CNGA1: variants seen among roughly 807,000 people sequenced by gnomAD.
CNGA1 encodes the protein cyclic nucleotide-gated channel alpha-1.
CNGA1 carries 53 observed loss-of-function variants against 69.7 expected under a neutral mutation model. The ratio of observed to expected loss-of-function variants is 0.76; its 90% CI spans 0.61 to 0.96. The LOEUF (loss-of-function observed/expected upper bound fraction) is 0.96, where lower values mean the gene tolerates loss of function less well. Ranked by LOEUF, CNGA1 falls within the 40% of genes least tolerant of loss-of-function variation. The probability of loss-of-function intolerance (pLI) is 0.00; values close to 1 mark genes in which losing one functional copy is unlikely to be tolerated. For synonymous variants in CNGA1, 249 were observed against 283.5 expected (o/e 0.88, Z 1.22); for missense variants, 739 against 811.2 (o/e 0.91, Z 1.08).
chr4:47,974,109 TAGATAGATAGATAGATGATA>T (rs1741211797), intron 3 of CNGA1, among the ~76,000 whole-genome samples: 1 of 133,042 alleles, frequency 7.5e-6, no homozygotes, highest in Non-Finnish European at 1.7e-5. Flanking sequence ...GATAGATAGA[TAGATAGATAGATAGATGATA>T]GATAGCTAGA....
intron 3 of CNGA1, among the ~76,000 whole-genome samples, chr4:47,953,938 C>T (rs1739900212): frequency 1.3e-5 from 2 of 151,826 alleles, no homozygotes; most frequent in Non-Finnish European, 2.9e-5. Flanking sequence ...TAAGTGAAAA[C>T]AGGCACTCCT....
intron 9 of CNGA1, among the ~76,000 whole-genome samples, chr4:47,941,144 G>A (rs971582065): frequency 1.3e-5 from 2 of 152,132 alleles, no homozygotes; most frequent in Non-Finnish European, 2.9e-5. Flanking sequence ...AAGGGTACAA[G>A]TATACAGTAA....
chr4:47,943,136 C>T (rs1739194504), intron 8 of CNGA1, 45 bp downstream of exon 8: 2 of 1,337,968 alleles, frequency 1.5e-6, no homozygotes, highest in East Asian at 2.3e-5. Context: ...GCATCTAAAA[C>T]CCATCACAAT....
chr4:47,946,839 C>A (rs147312472), intron 6 of CNGA1, among the ~76,000 whole-genome samples: 1 of 152,088 alleles, frequency 6.6e-6, no homozygotes, highest in East Asian at 1.9e-4. Flanking sequence ...GGCAGGAGTG[C>A]GGTGGCACAA....
chr4:48,015,092 G>A (rs2109360557), intron 1 of CNGA1, among the ~76,000 whole-genome samples: 1 of 152,194 alleles, frequency 6.6e-6, no homozygotes, highest in Non-Finnish European at 1.5e-5. Context: ...GCAGGAGAAT[G>A]GCGTGAACCC....
At chr4:47,961,573 A>G (rs1159275300) in intron 3 of CNGA1, among the ~76,000 whole-genome samples, 1 of 152,116 alleles carries the variant, frequency 6.6e-6, no homozygotes, top group Non-Finnish European at 1.5e-5. Flanking sequence ...TGAGATCCCC[A>G]TCTCTACTAA....
intron 3 of CNGA1, among the ~76,000 whole-genome samples, chr4:47,971,732 A>G (rs892645224): frequency 1.3e-5 from 2 of 152,182 alleles, no homozygotes; most frequent in African/African-American, 4.8e-5. Context: ...CGTCTCTACT[A>G]AAAGTACAAA....
At chr4:47,949,741 G>C (rs1210501860) in intron 6 of CNGA1, 92 bp downstream of exon 6, 2 of 895,194 alleles carry the variant, frequency 2.2e-6, no homozygotes, top group East Asian at 2.5e-5. Context: ...ATTAATAAAT[G>C]TTTCCTCTAT....
At chr4:48,007,392 C>A (rs1039256917) in intron 2 of CNGA1, among the ~76,000 whole-genome samples, 1 of 152,186 alleles carries the variant, frequency 6.6e-6, no homozygotes, top group African/African-American at 2.4e-5. Flanking sequence ...CCTTACAATC[C>A]CACATGCCCA....
chr4:47,942,888 C>A (rs538204891), intron 8 of CNGA1: 1 of 230,188 alleles, frequency 4.3e-6, no homozygotes. Flanking sequence ...TATTTCTCAG[C>A]GATAAGTTAT....
intron 3 of CNGA1, among the ~76,000 whole-genome samples, chr4:47,961,401 T>G (rs1405811315): frequency 6.6e-6 from 1 of 152,250 alleles, no homozygotes; most frequent in Non-Finnish European, 1.5e-5. Flanking sequence ...CTGTGGATTC[T>G]GGATTCTGCC....
At position 48,009,456 on chromosome 4, in the gene CNGA1, G is replaced by A. The variant is rs2352411; in HGVS notation, c.-123+1338C>T. The stretch of plus-strand genomic sequence containing the variant: ...CTCCAGCCTGGGCAACAGAGCCAGA[G>A]TCTGTCTCAAAAAAAAAAAAAAAAA... On this transcript the variant is annotated intron_variant, in intron 2 of 10. Transcript: ENST00000514170. Among the ~76,000 whole-genome samples the A allele has an allele frequency of 1.6e-3, 206 of 128,270 alleles. 8 individuals are homozygous for A. In the South Asian group the frequency reaches 0.057, roughly 35 times the overall value. 84.2% of individuals were successfully genotyped at this position (128,270 alleles called of 152,430 possible).
intron 5 of CNGA1, among the ~76,000 whole-genome samples, chr4:47,950,930 A>C (rs1550444): frequency 0.84 from 127,629 of 152,232 alleles, 53,740 homozygotes; most frequent in East Asian, 0.98. Flanking sequence ...AGGACCCTGA[A>C]AGAAGGATCA....
At chr4:47,938,099 C>T (rs1050483463) in intron 10 of CNGA1, among the ~76,000 whole-genome samples, 2 of 151,104 alleles carry the variant, frequency 1.3e-5, no homozygotes, top group African/African-American at 4.9e-5. Flanking sequence ...TCACTTGAGC[C>T]TGGGAGTTTG....
chr4:47,983,731 A>G (rs1741852779), intron 2 of CNGA1, among the ~76,000 whole-genome samples: 1 of 152,234 alleles, frequency 6.6e-6, no homozygotes, highest in Non-Finnish European at 1.5e-5. Context: ...TGAAGTAATC[A>G]ACAGACACAC....
chr4:47,970,077 A>G (rs1740934909), intron 3 of CNGA1, among the ~76,000 whole-genome samples: 1 of 152,194 alleles, frequency 6.6e-6, no homozygotes, highest in African/African-American at 2.4e-5. Context: ...TTATTTCCAA[A>G]GAGACTATTT....
At chr4:47,937,870 T>C in intron 10 of CNGA1, 41 bp from the exon 11 acceptor site, 16 of 1,488,368 alleles carry the variant, frequency 1.1e-5, no homozygotes, top group Non-Finnish European at 1.4e-5. Flanking sequence ...TTCTCCTTTT[T>C]ATGTCATTGT....
intron 2 of CNGA1, among the ~76,000 whole-genome samples, chr4:48,008,712 T>C (rs2109353927): frequency 6.6e-6 from 1 of 152,332 alleles, no homozygotes; most frequent in Middle Eastern, 3.4e-3. Flanking sequence ...TGCAAAATTC[T>C]GAGACAGTGA....
intron 2 of CNGA1, among the ~76,000 whole-genome samples, chr4:47,998,968 C>T (rs1172429440): frequency 6.6e-6 from 1 of 152,096 alleles, no homozygotes; most frequent in Non-Finnish European, 1.5e-5. Flanking sequence ...ATAAACAATT[C>T]ATAAGTTTGA....
Sources: gnomAD v4.1 joint callset for allele counts (sites outside exome capture counted in the v4.1 genomes callset) on GRCh38, gnomAD v4.1.1 for gene constraint, MANE v1.5 for transcripts, NCBI Gene and HGNC (gene_info 2026-07-23, HGNC 2026-07-21) for gene names.